Variants in PCDH11X observed in about 807,000 individuals in gnomAD.
PCDH11X encodes protocadherin 11 X-linked.
PCDH11X carries 18 observed loss-of-function variants against 53.3 expected under a neutral mutation model. The observed-to-expected ratio is 0.34, with a 90% CI of 0.23 to 0.50. The LOEUF (loss-of-function observed/expected upper bound fraction) is 0.50, where lower values mean the gene tolerates loss of function less well. PCDH11X is among the 20% of genes least tolerant of loss of function. PCDH11X has a pLI of 0.98. For synonymous variants in PCDH11X, 279 were observed against 393.3 expected (o/e 0.71, Z 3.44); for missense variants, 570 against 1,032.4 (o/e 0.55, Z 6.14).
At chrX:91,969,883 A>G (rs1431067412) in intron 6 of PCDH11X, among the ~76,000 whole-genome samples, 7 of 110,401 alleles carry the variant, frequency 6.3e-5, no homozygotes, top group Admixed American at 4.8e-4. Context: ...AGTGCGGCCT[A>G]GAATCCTGAT....
chrX:92,512,411 A>G (rs1348780705), intron 10 of PCDH11X, among the ~76,000 whole-genome samples: 1 of 111,900 alleles, frequency 8.9e-6, no homozygotes, highest in African/African-American at 3.2e-5. Context: ...TAATGATAAT[A>G]AATTCATCAG....
intron 8 of PCDH11X, among the ~76,000 whole-genome samples, chrX:92,275,218 G>T (rs187152946): frequency 0.016 from 1,493 of 91,866 alleles, no homozygotes; most frequent in African/African-American, 0.043. Context: ...AAGGCTACAG[G>T]GTGTGGTCCT....
intron 8 of PCDH11X, among the ~76,000 whole-genome samples, chrX:92,358,235 A>T (rs1487898343): frequency 9.8e-6 from 1 of 101,590 alleles, no homozygotes; most frequent in East Asian, 3.2e-4. Context: ...GTAAATAATC[A>T]TTAGATACAG....
At chrX:92,303,137 G>A (rs1456238286) in intron 8 of PCDH11X, among the ~76,000 whole-genome samples, 1 of 110,119 alleles carries the variant, frequency 9.1e-6, no homozygotes, top group Non-Finnish European at 1.9e-5. Context: ...TGAACTTGGA[G>A]ATAGAAAGGT....
chrX:91,913,822 A>G (rs1226809159), intron 6 of PCDH11X, among the ~76,000 whole-genome samples: 1 of 110,261 alleles, frequency 9.1e-6, no homozygotes, highest in Non-Finnish European at 1.9e-5. Context: ...AACTCAGGAC[A>G]GAATAACCCT....
chrX:92,445,343 G>T (rs1178103744), intron 9 of PCDH11X, among the ~76,000 whole-genome samples: 2 of 104,849 alleles, frequency 1.9e-5, no homozygotes, highest in African/African-American at 6.9e-5. Flanking sequence ...GTTTCCTCTA[G>T]ATCATCTAGT....
intron 6 of PCDH11X, among the ~76,000 whole-genome samples, chrX:92,106,724 C>T (rs1255212191): frequency 8.9e-6 from 1 of 111,805 alleles, no homozygotes; most frequent in Non-Finnish European, 1.9e-5. Flanking sequence ...CAAGATATCA[C>T]TTACATTTTC....
chrX:91,904,950 A>T lies in PCDH11X; in HGVS notation c.3033+25677A>T, dbSNP rs1264507502. ...TGTTTAAAATTGTTTTAGACATTTC[A>T]TTTACAACAATAGTACAGGGGAAAA... On this transcript the variant is annotated intron_variant, in intron 6 of 10. Transcript: ENST00000682573. Among the ~76,000 whole-genome samples, 7 of 110,246 alleles carry T rather than the reference A, an allele frequency of 6.3e-5. No individual in the cohort carries two copies. The East Asian group carries it at 8.5e-4, about 13-fold the overall frequency.
At chrX:91,942,468 C>T (rs1207743103) in intron 6 of PCDH11X, among the ~76,000 whole-genome samples, 1 of 109,351 alleles carries the variant, frequency 9.1e-6, no homozygotes, top group Non-Finnish European at 1.9e-5. Flanking sequence ...ATGAAATATA[C>T]AAATTACTCG....
rs1939668912 is a variant in PCDH11X at position 91,877,340 on chromosome X, C to T, written c.1100C>T (p.Thr367Ile). The T allele has an allele frequency of 5.0e-6, 6 of 1,190,606 alleles. No individual in the cohort carries two copies. In the East Asian group the frequency reaches 1.8e-4, roughly 36 times the overall value. The change falls in exon 6 of 11, where the codon ACA becomes ATA. Residue 367 changes from threonine to isoleucine, a missense_variant. By Grantham distance (89) the Thr-to-Ile change is moderately conservative (BLOSUM62 -1). Coordinates refer to ENST00000682573, the MANE Select transcript of PCDH11X (RefSeq NM_032968.5). ...IRYIVNPVND[T>I]VVLSENIPLN... ...TACATCGTCAATCCTGTCAATGACA[C>T]AGTTGTTCTTTCAGAAAATATTCCA...
At chrX:91,888,585 G>C (rs1940339582) in intron 6 of PCDH11X, among the ~76,000 whole-genome samples, 3 of 110,024 alleles carry the variant, frequency 2.7e-5, no homozygotes, top group African/African-American at 6.6e-5. Flanking sequence ...AGTGGCGGGG[G>C]TTGTGGGGGA....
intron 6 of PCDH11X, among the ~76,000 whole-genome samples, chrX:91,940,059 G>T (rs757593628): frequency 9.0e-6 from 1 of 110,829 alleles, no homozygotes; most frequent in African/African-American, 3.3e-5. Flanking sequence ...GATTATGGGA[G>T]TGGATTTCTC....
chrX:92,170,700 C>T (rs1171553025), intron 6 of PCDH11X, among the ~76,000 whole-genome samples: 2 of 108,863 alleles, frequency 1.8e-5, no homozygotes, highest in Non-Finnish European at 3.8e-5. Flanking sequence ...TGGGCTGGAA[C>T]AATCCTCCTG....
intron 6 of PCDH11X, among the ~76,000 whole-genome samples, chrX:91,906,171 T>G (rs1978295672): frequency 8.9e-6 from 1 of 112,010 alleles, no homozygotes; most frequent in African/African-American, 3.2e-5. Flanking sequence ...GAAGGTAACA[T>G]CAACTTACTA....
chrX:92,203,058 G>A (rs192467092), intron 7 of PCDH11X, among the ~76,000 whole-genome samples: 1 of 111,674 alleles, frequency 9.0e-6, no homozygotes, highest in Non-Finnish European at 1.9e-5. Context: ...CCAATGTCCA[G>A]ACATTAATAT....
chrX:91,966,496 C>T (rs1184531935), intron 6 of PCDH11X, among the ~76,000 whole-genome samples: 1 of 99,792 alleles, frequency 1.0e-5, no homozygotes, highest in Non-Finnish European at 2.0e-5. Flanking sequence ...CGGGACCTGT[C>T]GGGGGTGGGG....
intron 1 of PCDH11X, among the ~76,000 whole-genome samples, chrX:91,803,980 T>C (rs1237652568): frequency 9.0e-6 from 1 of 111,546 alleles, no homozygotes; most frequent in Non-Finnish European, 1.9e-5. Flanking sequence ...CCACATTTTT[T>C]CAATCACATA....
At chrX:92,466,470 A>G (rs2073159578) in intron 9 of PCDH11X, among the ~76,000 whole-genome samples, 3 of 109,298 alleles carry the variant, frequency 2.7e-5, no homozygotes, top group South Asian at 7.7e-4. Context: ...ATAGATATAT[A>G]TATATACTCC....
intron 9 of PCDH11X, among the ~76,000 whole-genome samples, chrX:92,403,329 G>GT (rs1178198433): frequency 0.14 from 8,034 of 58,668 alleles, 571 homozygotes; most frequent in African/African-American, 0.17. Flanking sequence ...GGGCATTTAC[G>GT]TTTTTTTTTG....
Sources: allele counts gnomAD v4.1 joint callset (sites outside exome capture counted in the v4.1 genomes callset), GRCh38; gene constraint gnomAD v4.1.1; transcripts MANE v1.5; gene names NCBI Gene and HGNC (gene_info 2026-07-23, HGNC 2026-07-21).